Variants in TEK observed in about 807,000 individuals in gnomAD.
TEK encodes the protein TEK receptor tyrosine kinase.
A neutral mutation model predicts 131.8 loss-of-function variants in TEK; 43 were observed. The observed-to-expected ratio is 0.33, with a 90% CI of 0.26 to 0.42. The LOEUF (loss-of-function observed/expected upper bound fraction) is 0.42, where lower values mean the gene tolerates loss of function less well. Among genes scored for constraint, TEK ranks in the 10% least tolerant of loss-of-function variants. TEK has a pLI of 1.00. For synonymous variants in TEK, 580 were observed against 491.6 expected (o/e 1.18, Z -2.38); for missense variants, 1,162 against 1,384.4 (o/e 0.84, Z 2.55).
chr9:27,157,208 T>C (rs765461207), intron 1 of TEK, among the ~76,000 whole-genome samples: 15 of 152,194 alleles, frequency 9.9e-5, no homozygotes, highest in Non-Finnish European at 1.5e-4. Context: ...TCACTGAGTA[T>C]GCAATATATA....
rs371280829 is a variant in TEK at position 27,117,235 on chromosome 9, A to G, written c.52+7593A>G. On this transcript the variant is annotated intron_variant, in intron 1 of 22. Transcript: ENST00000380036. ...CAGCCTCCGGGCCTGACACTGGAGC[A>G]CCAGCCTGCAGGTGTGTTATTTTAC... Among the ~76,000 whole-genome samples the G allele has an allele frequency of 4.6e-5, 7 of 152,268 alleles. No homozygotes were observed. In the South Asian group the frequency reaches 8.3e-4, roughly 18 times the overall value.
At chr9:27,184,049 G>A (rs936169642) in intron 8 of TEK, among the ~76,000 whole-genome samples, 1 of 152,168 alleles carries the variant, frequency 6.6e-6, no homozygotes, top group African/African-American at 2.4e-5. Flanking sequence ...ATGGAGTTTT[G>A]ATGACCGGTC....
intron 1 of TEK, among the ~76,000 whole-genome samples, chr9:27,147,810 C>A (rs887681878): frequency 6.6e-6 from 1 of 152,050 alleles, no homozygotes; most frequent in Admixed American, 6.6e-5. Context: ...TCCAAGTGTT[C>A]CAGTATTATT....
intron 7 of TEK, among the ~76,000 whole-genome samples, chr9:27,182,547 T>C (rs1478649896): frequency 5.9e-5 from 9 of 152,132 alleles, no homozygotes; most frequent in African/African-American, 2.2e-4. Flanking sequence ...GTATAAAATA[T>C]CATTATTGAC....
chr9:27,114,984 G>C (rs572947029), intron 1 of TEK, among the ~76,000 whole-genome samples: 11 of 152,142 alleles, frequency 7.2e-5, no homozygotes, highest in African/African-American at 2.4e-4. Flanking sequence ...GTACTGTCCT[G>C]GAAACTAGGA....
At chr9:27,140,305 T>C (rs985044799) in intron 1 of TEK, among the ~76,000 whole-genome samples, 2 of 152,186 alleles carry the variant, frequency 1.3e-5, no homozygotes, top group Admixed American at 1.3e-4. Context: ...GCATACATAC[T>C]TTTTATGCTG....
chr9:27,185,496 T>C lies in TEK; in HGVS notation c.1194T>C (p.Phe398=), dbSNP rs1824561910. 2 of 1,613,776 alleles carry C rather than the reference T, an allele frequency of 1.2e-6. No homozygotes were observed. The highest frequency in any genetic ancestry group is 8.5e-7 in the Non-Finnish European group (1 of 1,179,754). The change falls in exon 9 of 23, where the codon TTT becomes TTC. Residue 398 remains phenylalanine (F), a synonymous_variant. Transcript: ENST00000380036. ...PDGTVLHPKD[F]NHTDHFSVAI... ...TTTGACCTTTTCAGCCAAAAGACTTTAACCATACGGATCATTTCTCAGTAG... is the reference window on the plus strand; with the variant it reads ...TTTGACCTTTTCAGCCAAAAGACTTCAACCATACGGATCATTTCTCAGTAG...
intron 14 of TEK, among the ~76,000 whole-genome samples, chr9:27,206,086 A>G (rs1318534524): frequency 6.6e-6 from 1 of 152,228 alleles, no homozygotes; most frequent in Non-Finnish European, 1.5e-5. Flanking sequence ...TTGTGGCCAG[A>G]GTGGACTTAG....
intron 1 of TEK, among the ~76,000 whole-genome samples, chr9:27,150,434 C>G (rs1025391238): frequency 2.0e-5 from 3 of 152,146 alleles, no homozygotes; most frequent in African/African-American, 7.2e-5. Context: ...CAGTGATACC[C>G]CCATCTCTAC....
At position 27,217,388 on chromosome 9, in the gene TEK, T is replaced by C. The variant is rs142512599; in HGVS notation, c.2992-300T>C. On this transcript the variant is annotated intron_variant, in intron 18 of 22. Coordinates refer to ENST00000380036, the MANE Select transcript of TEK (RefSeq NM_000459.5). ...TTCTCACTCAGTGTCTATGCCTGTCTCCCCTTTCAAGCCTCGGAGTGCCTC... is the reference window on the plus strand; with the variant it reads ...TTCTCACTCAGTGTCTATGCCTGTCCCCCCTTTCAAGCCTCGGAGTGCCTC... Among the ~76,000 whole-genome samples, 16 of 152,244 alleles carry C rather than the reference T, an allele frequency of 1.1e-4. 1 individual carries two copies. Among genetic ancestry groups the C allele is most frequent in the African/African-American group, 3.9e-4 (16 of 41,516 alleles).
chr9:27,117,247 G>A (rs564769558), intron 1 of TEK, among the ~76,000 whole-genome samples: 1 of 152,200 alleles, frequency 6.6e-6, no homozygotes, highest in East Asian at 1.9e-4. Flanking sequence ...CAGCCTGCAG[G>A]TGTGTTATTT....
chr9:27,136,722 T>G (rs1822461468), intron 1 of TEK, among the ~76,000 whole-genome samples: 1 of 152,174 alleles, frequency 6.6e-6, no homozygotes, highest in Non-Finnish European at 1.5e-5. Context: ...GTCTCCCCTA[T>G]CTGTTCAAGT....
chr9:27,183,734 G>C, intron 8 of TEK, 124 bp downstream of exon 8: 1 of 1,325,990 alleles, frequency 7.5e-7, no homozygotes, highest in Middle Eastern at 2.5e-4. Context: ...TGTTGGCTTT[G>C]ATAAAATGCC....
At chr9:27,136,089 T>TTTTTTTTC (rs1240175725) in intron 1 of TEK, among the ~76,000 whole-genome samples, 1 of 148,780 alleles carries the variant, frequency 6.7e-6, no homozygotes, top group Non-Finnish European at 1.5e-5. Context: ...GCAGTTATTT[T>TTTTTTTTC]TTTTTTTTTT....
intron 1 of TEK, among the ~76,000 whole-genome samples, chr9:27,137,865 G>C (rs142473641): frequency 7.9e-5 from 12 of 152,216 alleles, no homozygotes; most frequent in African/African-American, 2.9e-4. Flanking sequence ...TATTCATTCC[G>C]GTGGGTTCTT....
chr9:27,204,850 G>T, intron 13 of TEK, 61 bp from the exon 14 acceptor site: 1 of 1,599,590 alleles, frequency 6.3e-7, no homozygotes, highest in Non-Finnish European at 8.6e-7. Context: ...CCCACATACG[G>T]TGTGGGTCTG....
At chr9:27,189,493 A>G (rs556111981) in intron 9 of TEK, among the ~76,000 whole-genome samples, 7 of 152,268 alleles carry the variant, frequency 4.6e-5, no homozygotes, top group African/African-American at 1.7e-4. Flanking sequence ...GGGCGCTGTC[A>G]TCCCCATTGA....
chr9:27,117,009 C>T (rs1443248634), intron 1 of TEK, among the ~76,000 whole-genome samples: 1 of 151,824 alleles, frequency 6.6e-6, no homozygotes, highest in Non-Finnish European at 1.5e-5. Context: ...CTACAGGCGC[C>T]TGCCACCACG....
At chr9:27,219,040 A>ATTATATATTAATTGGCTCCGCT (rs1587041496) in intron 20 of TEK, among the ~76,000 whole-genome samples, 1 of 149,686 alleles carries the variant, frequency 6.7e-6, no homozygotes, top group East Asian at 1.9e-4. Context: ...CATGAACTTT[A>ATTATATATTAATTGGCTCCGCT]TTATATATTA....
Sources: gnomAD v4.1 joint callset for allele counts (sites outside exome capture counted in the v4.1 genomes callset) on GRCh38, gnomAD v4.1.1 for gene constraint, MANE v1.5 for transcripts, NCBI Gene and HGNC (gene_info 2026-07-23, HGNC 2026-07-21) for gene names.